The following CDH13 variants were observed in gnomAD, a reference collection of about 807,000 sequenced individuals.
CDH13 encodes the protein cadherin-13.
A neutral mutation model predicts 63.8 loss-of-function variants in CDH13; 24 were observed. The ratio of observed to expected loss-of-function variants is 0.38; its 90% CI spans 0.27 to 0.53. CDH13 has a LOEUF of 0.53. Among genes scored for constraint, CDH13 ranks in the 20% least tolerant of loss-of-function variants. The pLI, the probability that CDH13 is intolerant of heterozygous loss-of-function variation, is 0.85. For missense variants in CDH13, 1,049 were observed against 903.1 expected (o/e 1.16, Z -2.07); for synonymous variants, 503 against 355.3 (o/e 1.42, Z -4.67).
rs7200314 is a variant in CDH13 at position 83,325,686 on chromosome 16, G to A, written c.637-19176G>A. On this transcript the variant is annotated intron_variant, in intron 5 of 13. Transcript: ENST00000567109. ...GTATTTTGATACTTGATACCTTCAC[G>A]CTCTCTGTTTTCTCTCCCCAGAATC... Among the ~76,000 whole-genome samples the A allele has an allele frequency of 7.2e-3, 1,093 of 152,174 alleles. 5 individuals carry two copies. Among genetic ancestry groups the A allele is most frequent in the African/African-American group, 0.012 (504 of 41,528 alleles).
intron 8 of CDH13, among the ~76,000 whole-genome samples, chr16:83,616,167 C>T (rs1010883799): frequency 6.6e-6 from 1 of 152,092 alleles, no homozygotes. Flanking sequence ...TGTTCATACA[C>T]ACAAGGATGA....
intron 5 of CDH13, among the ~76,000 whole-genome samples, chr16:83,242,720 T>C (rs1049421553): frequency 6.6e-6 from 1 of 152,202 alleles, no homozygotes; most frequent in African/African-American, 2.4e-5. Flanking sequence ...TAGTTTTAGA[T>C]GATTGTCTTC....
chr16:83,247,750 A>G (rs1246758645), intron 5 of CDH13, among the ~76,000 whole-genome samples: 1 of 152,202 alleles, frequency 6.6e-6, no homozygotes, highest in African/African-American at 2.4e-5. Context: ...ATAATTAATT[A>G]TAAATCCTTT....
intron 7 of CDH13, among the ~76,000 whole-genome samples, chr16:83,543,692 C>A (rs932579901): frequency 2.0e-5 from 3 of 152,284 alleles, no homozygotes; most frequent in Admixed American, 2.0e-4. Context: ...GTCGTGAGAG[C>A]AGAGTGTATT....
rs190092485 is a variant in CDH13, at chr16:82,651,656, A to G, written c.45+24519A>G. On this transcript the variant is annotated intron_variant, in intron 1 of 13. Coordinates refer to ENST00000567109, the MANE Select transcript of CDH13 (RefSeq NM_001257.5). ...TTACAGTGAGGAGACTGAGGCTTAG[A>G]GAGGGTAGGTACGCCATTGGAACAA... 6.6e-5 allele frequency among the ~76,000 whole-genome samples: 10 copies of G among 152,374 alleles called. No individual in the cohort carries two copies. In the East Asian group the frequency reaches 1.9e-3, roughly 29 times the overall value.
Position 83,663,243 on chromosome 16 carries a change from A to G in CDH13, c.1102-7547A>G, listed in dbSNP as rs566641255. On this transcript the variant is annotated intron_variant, in intron 8 of 13. Transcript: ENST00000567109. The stretch of plus-strand genomic sequence containing the variant: ...AGCTAGGATCACATGATACAAAATG[A>G]CTCCCTAGTACCACTGTTTTCAGCA... Among the ~76,000 whole-genome samples, 28 of 152,150 alleles carry G rather than the reference A, an allele frequency of 1.8e-4. No homozygotes were observed. The South Asian group carries it at 5.6e-3, about 30-fold the overall frequency.
At chr16:83,362,874 G>A (rs1292997816) in intron 6 of CDH13, among the ~76,000 whole-genome samples, 1 of 152,174 alleles carries the variant, frequency 6.6e-6, no homozygotes, top group East Asian at 1.9e-4. Context: ...GCTTATGGGA[G>A]ATGCAACAGG....
chr16:83,395,352 C>G (rs1389281166), intron 6 of CDH13, among the ~76,000 whole-genome samples: 1 of 151,728 alleles, frequency 6.6e-6, no homozygotes, highest in Non-Finnish European at 1.5e-5. Context: ...ATACTCAAGG[C>G]TCCTAGTGAT....
intron 5 of CDH13, among the ~76,000 whole-genome samples, chr16:83,310,292 A>G (rs1345089931): frequency 6.6e-6 from 1 of 152,242 alleles, no homozygotes; most frequent in African/African-American, 2.4e-5. Flanking sequence ...GCAGTCTAAG[A>G]TACGGAGTAA....
intron 1 of CDH13, among the ~76,000 whole-genome samples, chr16:82,751,753 G>A (rs1039519059): frequency 6.6e-6 from 1 of 151,520 alleles, no homozygotes; most frequent in Non-Finnish European, 1.5e-5. Flanking sequence ...GAGATCGCAC[G>A]TTTTCGTTTT....
At chr16:82,765,776 G>A (rs751679910) in intron 1 of CDH13, among the ~76,000 whole-genome samples, 1 of 152,140 alleles carries the variant, frequency 6.6e-6, no homozygotes, top group Non-Finnish European at 1.5e-5. Flanking sequence ...CCGGGGAAGA[G>A]AGTGGGAAGG....
At chr16:83,689,097 T>A (rs943140976) in intron 10 of CDH13, among the ~76,000 whole-genome samples, 2 of 152,212 alleles carry the variant, frequency 1.3e-5, no homozygotes, top group Non-Finnish European at 2.9e-5. Context: ...ACATATGTTG[T>A]TATAAATTTG....
At chr16:82,800,487 C>A (rs148455288) in intron 1 of CDH13, among the ~76,000 whole-genome samples, 2 of 152,096 alleles carry the variant, frequency 1.3e-5, no homozygotes, top group Non-Finnish European at 2.9e-5. Context: ...TTAGAAGGCC[C>A]GTTAACCTCC....
intron 1 of CDH13, among the ~76,000 whole-genome samples, chr16:82,756,795 A>T (rs1340797602): frequency 6.6e-6 from 1 of 152,224 alleles, no homozygotes. Flanking sequence ...AGCTCCTCTT[A>T]GAACTGAAAA....
intron 4 of CDH13, among the ~76,000 whole-genome samples, chr16:83,216,439 T>C (rs1471047588): frequency 1.0e-4 from 11 of 108,198 alleles, no homozygotes; most frequent in African/African-American, 4.1e-4. Flanking sequence ...TATATATATA[T>C]ATATACACAA....
intron 1 of CDH13, among the ~76,000 whole-genome samples, chr16:82,796,660 GC>G (rs2036594502): frequency 6.6e-6 from 1 of 152,228 alleles, no homozygotes; most frequent in Non-Finnish European, 1.5e-5. Context: ...TATGTGTAAT[GC>G]CTCGCTCAAT....
chr16:83,549,084 A>G (rs1051634087), intron 7 of CDH13, among the ~76,000 whole-genome samples: 1 of 152,164 alleles, frequency 6.6e-6, no homozygotes. Context: ...TCAGAGGAGC[A>G]GGAAGAGACC....
At chr16:83,772,403 A>T (rs1373562390) in intron 11 of CDH13, among the ~76,000 whole-genome samples, 1 of 152,236 alleles carries the variant, frequency 6.6e-6, no homozygotes, top group Non-Finnish European at 1.5e-5. Flanking sequence ...AAGAATTCTT[A>T]GAACACTGGA....
chr16:83,215,775 G>A (rs2039482972), intron 4 of CDH13, among the ~76,000 whole-genome samples: 1 of 152,184 alleles, frequency 6.6e-6, no homozygotes, highest in Non-Finnish European at 1.5e-5. Context: ...GTAATTTGGT[G>A]ACAGCTAGAT....
Sources: gnomAD v4.1 joint callset for allele counts (sites outside exome capture counted in the v4.1 genomes callset) on GRCh38, gnomAD v4.1.1 for gene constraint, MANE v1.5 for transcripts, NCBI Gene and HGNC (gene_info 2026-07-23, HGNC 2026-07-21) for gene names.